HEMK2: variants seen among roughly 807,000 people sequenced by gnomAD.
The protein encoded by HEMK2 is HemK methyltransferase 2, ETF1 glutamine and histone H4 lysine, also known as methyltransferase HEMK2.
At chr21:28,786,741 G>C in the HEMK2 span, among the ~76,000 whole-genome samples, 1 of 150,712 alleles carries the variant, frequency 6.6e-6, no homozygotes, top group Non-Finnish European at 1.5e-5. Flanking sequence ...ATTAATATAA[G>C]AAAGACTGAT....
the HEMK2 span, among the ~76,000 whole-genome samples, chr21:28,649,813 A>T: frequency 6.6e-6 from 1 of 152,172 alleles, no homozygotes; most frequent in Non-Finnish European, 1.5e-5. Context: ...AGTGGAGAAG[A>T]AAATCAAGGC....
the HEMK2 span, among the ~76,000 whole-genome samples, chr21:28,613,166 T>C: frequency 8.6e-5 from 13 of 152,000 alleles, no homozygotes; most frequent in African/African-American, 2.4e-4. Context: ...ATATATTATA[T>C]ACAAAATGAG....
the HEMK2 span, among the ~76,000 whole-genome samples, chr21:28,707,206 AT>A: frequency 6.6e-6 from 1 of 152,098 alleles, no homozygotes; most frequent in Non-Finnish European, 1.5e-5. Context: ...CTTAATGAAA[AT>A]TTACTATATT....
At chr21:28,604,688 T>A in the HEMK2 span, among the ~76,000 whole-genome samples, 1 of 152,202 alleles carries the variant, frequency 6.6e-6, no homozygotes, top group Non-Finnish European at 1.5e-5. Context: ...TGAGACCATA[T>A]GATAAAGAAT....
At chr21:28,712,018 AAC>A in the HEMK2 span, among the ~76,000 whole-genome samples, 2 of 152,134 alleles carry the variant, frequency 1.3e-5, no homozygotes, top group Non-Finnish European at 2.9e-5. Flanking sequence ...CCCCCAAAGC[AAC>A]ACATCATAAT....
chr21:28,590,236 A>AT, the HEMK2 span, among the ~76,000 whole-genome samples: 17 of 152,324 alleles, frequency 1.1e-4, no homozygotes, highest in African/African-American at 4.1e-4. Flanking sequence ...AAGAGGAAGC[A>AT]TTTATGTTTA....
the HEMK2 span, among the ~76,000 whole-genome samples, chr21:28,881,667 T>C: frequency 6.6e-6 from 1 of 150,776 alleles, no homozygotes; most frequent in South Asian, 2.1e-4. Context: ...GGCTTTGTTC[T>C]GTTCCACAGG....
the HEMK2 span, among the ~76,000 whole-genome samples, chr21:28,689,521 A>G: frequency 2.6e-5 from 4 of 152,302 alleles, no homozygotes; most frequent in South Asian, 6.2e-4. Flanking sequence ...TAGCCTTCAT[A>G]TATTATTTGT....
the HEMK2 span, among the ~76,000 whole-genome samples, chr21:28,812,227 A>G: frequency 6.6e-6 from 1 of 152,156 alleles, no homozygotes; most frequent in Non-Finnish European, 1.5e-5. Flanking sequence ...GTTATTTAAT[A>G]TTGATATAAA....
chr21:28,667,353 C>A, the HEMK2 span, among the ~76,000 whole-genome samples: 11 of 152,050 alleles, frequency 7.2e-5, no homozygotes, highest in Non-Finnish European at 1.5e-4. Context: ...ATTTGTGTTT[C>A]TTTGATGAAA....
At chr21:28,740,798 A>C in the HEMK2 span, among the ~76,000 whole-genome samples, 1 of 152,304 alleles carries the variant, frequency 6.6e-6, no homozygotes, top group South Asian at 2.1e-4. Context: ...TCTTAAGGGA[A>C]TTGATCCCTT....
At chr21:28,755,436 A>T in the HEMK2 span, among the ~76,000 whole-genome samples, 1 of 152,156 alleles carries the variant, frequency 6.6e-6, no homozygotes, top group Admixed American at 6.5e-5. Context: ...CCTGGGTTTT[A>T]GTTTAGGTAG....
At chr21:28,598,210 G>A in the HEMK2 span, among the ~76,000 whole-genome samples, 5 of 152,196 alleles carry the variant, frequency 3.3e-5, no homozygotes, top group Admixed American at 6.5e-5. Flanking sequence ...GAAAGTTTCT[G>A]CCTGATAAGA....
At chr21:28,601,425 C>T in the HEMK2 span, among the ~76,000 whole-genome samples, 3 of 152,182 alleles carry the variant, frequency 2.0e-5, no homozygotes, top group Non-Finnish European at 4.4e-5. Context: ...CCCAGATAAG[C>T]ATGTTTCTCT....
At chr21:28,873,331 T>C in the HEMK2 span, 1 of 152,148 alleles carries the variant, frequency 6.6e-6, no homozygotes, top group Non-Finnish European at 1.5e-5. Flanking sequence ...AATAAGGAAA[T>C]GAGAAGAAAA....
the HEMK2 span, chr21:28,885,088 A>C: frequency 7.4e-7 from 1 of 1,342,440 alleles, no homozygotes; most frequent in Non-Finnish European, 9.8e-7. Context: ...GCTGTCAATC[A>C]TCTGCAAGTG....
the HEMK2 span, among the ~76,000 whole-genome samples, chr21:28,855,702 C>A: frequency 6.6e-6 from 1 of 152,158 alleles, no homozygotes; most frequent in African/African-American, 2.4e-5. Flanking sequence ...GAAATCAATA[C>A]TAAGAAAATC....
the HEMK2 span, among the ~76,000 whole-genome samples, chr21:28,855,099 T>C: frequency 6.6e-6 from 1 of 152,156 alleles, no homozygotes; most frequent in Non-Finnish European, 1.5e-5. Flanking sequence ...GACCCAACTG[T>C]ATGCTGTCTT....
At chr21:28,767,593 A>G in the HEMK2 span, among the ~76,000 whole-genome samples, 2 of 152,108 alleles carry the variant, frequency 1.3e-5, no homozygotes, top group Non-Finnish European at 2.9e-5. Flanking sequence ...AATACCCTTG[A>G]TAATGAAAGA....
Sources: gnomAD v4.1 joint callset for allele counts (sites outside exome capture counted in the v4.1 genomes callset) on GRCh38, gnomAD v4.1.1 for gene constraint, MANE v1.5 for transcripts, NCBI Gene and HGNC (gene_info 2026-07-23, HGNC 2026-07-21) for gene names.